Variants in ESR2 observed in about 807,000 individuals in gnomAD.
The protein encoded by ESR2 is estrogen receptor 2.
In ESR2, 36 loss-of-function variants were observed where a neutral mutation model predicts 49.6. The observed-to-expected ratio is 0.73, with a 90% CI of 0.56 to 0.96. The LOEUF is 0.96. Among genes scored for constraint, ESR2 ranks in the 40% least tolerant of loss-of-function variants. The pLI is 0.00. For synonymous variants in ESR2, 320 were observed against 266.1 expected (o/e 1.20, Z -1.97); for missense variants, 714 against 693.0 (o/e 1.03, Z -0.34).
At chr14:64,307,680 G>A (rs1226991734) in intron 1 of ESR2, among the ~76,000 whole-genome samples, 7 of 152,042 alleles carry the variant, frequency 4.6e-5, no homozygotes, top group African/African-American at 1.2e-4. Flanking sequence ...GACTACAGGC[G>A]CCCACCACCA....
intron 7 of ESR2, among the ~76,000 whole-genome samples, chr14:64,247,955 C>T (rs2140671292): frequency 6.6e-6 from 1 of 152,304 alleles, no homozygotes; most frequent in Non-Finnish European, 1.5e-5. Context: ...AATGGTTTCA[C>T]AGCATTTTGA....
At chr14:64,313,598 AGAAAG>A (rs1269241964) in intron 1 of ESR2, among the ~76,000 whole-genome samples, 3 of 151,706 alleles carry the variant, frequency 2.0e-5, no homozygotes, top group Admixed American at 6.6e-5. Flanking sequence ...AAAAGAAAAA[AGAAAG>A]AAGAGGCCAG....
chr14:64,305,441 C>A (rs1022412342), intron 1 of ESR2, among the ~76,000 whole-genome samples: 3 of 151,162 alleles, frequency 2.0e-5, no homozygotes, highest in South Asian at 2.1e-4. Context: ...GAGGCCAAGG[C>A]GGGCGGATCA....
chr14:64,268,775 G>A lies in ESR2; in HGVS notation c.652+20C>T. 2 of 1,435,742 alleles carry A rather than the reference G, an allele frequency of 1.4e-6. No homozygotes were observed. The highest frequency in any genetic ancestry group is 2.0e-6 in the Non-Finnish European group (2 of 1,018,846). 88.9% of individuals were successfully genotyped at this position (1,435,742 alleles called of 1,614,324 possible). On this transcript the variant is annotated intron_variant, in intron 4 of 8. Transcript: ENST00000341099. The stretch of plus-strand genomic sequence containing the variant: ...TTTTAGCAAGGCCCATATTCAATAA[G>A]AAGGGAAGCAAGCACTCACCACACT...
At chr14:64,262,110 CTTT>C (rs869146485) in intron 4 of ESR2, among the ~76,000 whole-genome samples, 12 of 136,138 alleles carry the variant, frequency 8.8e-5, no homozygotes, top group Non-Finnish European at 6.4e-5. Context: ...TTTGGATTTA[CTTT>C]TTTTTTTTTT....
intron 2 of ESR2, 45 bp downstream of exon 2, chr14:64,282,579 G>T: frequency 6.5e-7 from 1 of 1,533,266 alleles, no homozygotes. Flanking sequence ...AAAGTGATTT[G>T]AGAAATGGCT....
chr14:64,274,930 T>C (rs552396451), intron 3 of ESR2, among the ~76,000 whole-genome samples: 1 of 152,346 alleles, frequency 6.6e-6, no homozygotes, highest in East Asian at 1.9e-4. Context: ...TATTGATTTC[T>C]AGTTTTATTC....
intron 1 of ESR2, among the ~76,000 whole-genome samples, chr14:64,314,162 C>A (rs1056313673): frequency 2.0e-5 from 3 of 151,646 alleles, no homozygotes; most frequent in African/African-American, 4.8e-5. Flanking sequence ...GAATTGAAAT[C>A]GTATAGAATG....
rs143621051 is a variant in ESR2, at chr14:64,324,892, A to G, written c.-91+13006T>C. Among the ~76,000 whole-genome samples, 561 of 152,304 alleles carry G rather than the reference A, an allele frequency of 3.7e-3. 5 individuals carry two copies. Among genetic ancestry groups the G allele is most frequent in the African/African-American group, 0.013 (538 of 41,570 alleles). On this transcript the variant is annotated intron_variant, in intron 1 of 8. Transcript: ENST00000358599. ...AGTTTGTAGAGTAATAAAGTCATAA[A>G]ATAAGTTTTCAGAGATCAGAGGTTA...
At chr14:64,328,699 T>C (rs2077418715) in intron 1 of ESR2, among the ~76,000 whole-genome samples, 1 of 152,134 alleles carries the variant, frequency 6.6e-6, no homozygotes. Context: ...CCAACATCTG[T>C]TTTGGATGAG....
chr14:64,230,884 T>C lies in ESR2; in HGVS notation c.*2253A>G, dbSNP rs1291452311. The C allele has an allele frequency of 3.5e-5, 5 of 142,584 alleles. No homozygotes were observed. Among genetic ancestry groups the C allele is most frequent in the African/African-American group, 1.3e-4 (5 of 38,564 alleles). 8.8% of individuals were successfully genotyped at this position (142,584 alleles called of 1,614,324 possible). ...AAAAAATTATATATATATATATATA[T>C]ATATTTCGTGGCAATTTTTTTTTTT... On this transcript the variant is annotated 3_prime_UTR_variant, in exon 9 of 9. Transcript: ENST00000341099.
At chr14:64,264,527 T>C (rs377157779) in intron 4 of ESR2, among the ~76,000 whole-genome samples, 7 of 152,180 alleles carry the variant, frequency 4.6e-5, no homozygotes, top group African/African-American at 9.7e-5. Flanking sequence ...GTTTGTTACA[T>C]AGGTATGCAC....
chr14:64,243,037 C>T (rs1318732156), intron 7 of ESR2, among the ~76,000 whole-genome samples: 1 of 152,192 alleles, frequency 6.6e-6, no homozygotes, highest in Non-Finnish European at 1.5e-5. Flanking sequence ...TAAAGACCTG[C>T]TCCCATGATT....
chr14:64,301,864 G>C (rs1338720891), intron 1 of ESR2, among the ~76,000 whole-genome samples: 1 of 152,138 alleles, frequency 6.6e-6, no homozygotes. Flanking sequence ...ACAACCCAGA[G>C]ATCCTCAGAT....
intron 6 of ESR2, among the ~76,000 whole-genome samples, chr14:64,253,193 AT>A (rs2076024475): frequency 6.6e-6 from 1 of 150,922 alleles, no homozygotes; most frequent in African/African-American, 2.4e-5. Context: ...ATTGCTTTTT[AT>A]TTTTTATTTT....
At chr14:64,289,661 C>G (rs1388024102) in intron 1 of ESR2, among the ~76,000 whole-genome samples, 1 of 152,022 alleles carries the variant, frequency 6.6e-6, no homozygotes, top group Non-Finnish European at 1.5e-5. Flanking sequence ...GTTACAATGT[C>G]TTTATGGCCA....
chr14:64,311,341 T>G (rs2077185730), intron 1 of ESR2, among the ~76,000 whole-genome samples: 1 of 152,098 alleles, frequency 6.6e-6, no homozygotes, highest in South Asian at 2.1e-4. Context: ...TGCTTTACAT[T>G]TTAAAAGCCT....
In ESR2 at chr14:64,261,239, CTTTTTT is replaced by C. The variant is rs58982771; in HGVS notation, c.653-497_653-492del. Among the ~76,000 whole-genome samples the C allele has an allele frequency of 3.2e-3, 412 of 127,082 alleles. 4 individuals carry two copies. The highest frequency in any genetic ancestry group is 5.4e-3 in the Non-Finnish European group (340 of 63,538). 83.4% of individuals were successfully genotyped at this position (127,082 alleles called of 152,430 possible). The stretch of plus-strand genomic sequence containing the variant: ...TTTAATGCTTTTATTTTTCTTTTTT[CTTTTTT>C]TTTTTTTTTTGAGACGGAGCCTTGC... On this transcript the variant is annotated intron_variant, in intron 4 of 8. Transcript: ENST00000341099.
chr14:64,234,025 A>C (rs1290046075), intron 8 of ESR2: 2 of 152,252 alleles, frequency 1.3e-5, no homozygotes, highest in African/African-American at 4.8e-5. Flanking sequence ...GACTGTACAT[A>C]AAGGGCAACT....
Sources: allele counts gnomAD v4.1 joint callset (sites outside exome capture counted in the v4.1 genomes callset), GRCh38; gene constraint gnomAD v4.1.1; transcripts MANE v1.5; gene names NCBI Gene and HGNC (gene_info 2026-07-23, HGNC 2026-07-21).